Variants in CPNE4 observed in about 807,000 individuals in gnomAD.
CPNE4 encodes the protein copine 4.
In CPNE4, 25 loss-of-function variants were observed where a neutral mutation model predicts 67.9. The observed-to-expected ratio is 0.37, with a 90% CI of 0.27 to 0.51. CPNE4 has a LOEUF of 0.51. Among genes scored for constraint, CPNE4 ranks in the 20% least tolerant of loss-of-function variants. The probability of loss-of-function intolerance (pLI) is 0.93; values close to 1 mark genes in which losing one functional copy is unlikely to be tolerated. For missense variants in CPNE4, 464 were observed against 690.8 expected (o/e 0.67, Z 3.68); for synonymous variants, 242 against 244.9 (o/e 0.99, Z 0.11).
At chr3:131,694,477 T>C (rs192546659) in intron 5 of CPNE4, among the ~76,000 whole-genome samples, 2 of 152,292 alleles carry the variant, frequency 1.3e-5, no homozygotes, top group East Asian at 3.9e-4. Flanking sequence ...TTCTCCAGTA[T>C]GATTTTGCCA....
chr3:131,660,236 T>C (rs1335610076), intron 7 of CPNE4, among the ~76,000 whole-genome samples: 1 of 152,190 alleles, frequency 6.6e-6, no homozygotes, highest in African/African-American at 2.4e-5. Flanking sequence ...CAGATCTAAT[T>C]TTCACTAATG....
chr3:131,782,962 T>A (rs975090518), intron 2 of CPNE4, among the ~76,000 whole-genome samples: 3 of 151,972 alleles, frequency 2.0e-5, no homozygotes, highest in Non-Finnish European at 4.4e-5. Flanking sequence ...CAGTTATAGT[T>A]GTCAAGGAGA....
At chr3:131,721,375 A>G (rs1583079661) in intron 3 of CPNE4, among the ~76,000 whole-genome samples, 1 of 145,104 alleles carries the variant, frequency 6.9e-6, no homozygotes, top group Non-Finnish European at 1.5e-5. Flanking sequence ...TCTTTAGTCC[A>G]CATGATTCCC....
intron 1 of CPNE4, among the ~76,000 whole-genome samples, chr3:131,998,610 G>T (rs2073354187): frequency 6.6e-6 from 1 of 152,096 alleles, no homozygotes; most frequent in African/African-American, 2.4e-5. Context: ...ATTTTTCAGA[G>T]TTGCATTTTC....
At chr3:131,944,225 T>C (rs1340675154) in intron 1 of CPNE4, among the ~76,000 whole-genome samples, 4 of 86,850 alleles carry the variant, frequency 4.6e-5, no homozygotes, top group Non-Finnish European at 6.3e-5. Context: ...CTCTCTCTCT[T>C]TTTTTTTTTC....
intron 1 of CPNE4, among the ~76,000 whole-genome samples, chr3:131,946,281 C>T (rs1376786644): frequency 2.0e-5 from 3 of 152,052 alleles, no homozygotes; most frequent in African/African-American, 7.2e-5. Flanking sequence ...AATGTTTGTC[C>T]TTTTGTGTCT....
chr3:131,886,795 T>A (rs558074108), intron 2 of CPNE4, among the ~76,000 whole-genome samples: 12 of 152,322 alleles, frequency 7.9e-5, no homozygotes, highest in Admixed American at 3.3e-4. Flanking sequence ...CTGTAGCCCC[T>A]TTGTTTTGGC....
At position 131,809,048 on chromosome 3, in the gene CPNE4, G is replaced by C. The variant is rs150015168; in HGVS notation, c.181-85423C>G. ...TTGTGTAAGTGCGTGCATGTGTGCG[G>C]GTACACCTGTGAATATGTTAGTTAC... On this transcript the variant is annotated intron_variant, in intron 2 of 15. Coordinates refer to ENST00000429747, the MANE Select transcript of CPNE4 (RefSeq NM_130808.3). 2.9e-3 allele frequency among the ~76,000 whole-genome samples: 442 copies of C among 152,200 alleles called. 3 individuals carry two copies. The highest frequency in any genetic ancestry group is 0.01 in the African/African-American group (417 of 41,522).
intron 2 of CPNE4, among the ~76,000 whole-genome samples, chr3:131,904,220 G>A (rs1164124248): frequency 1.3e-5 from 2 of 152,092 alleles, no homozygotes; most frequent in Non-Finnish European, 2.9e-5. Flanking sequence ...ACCTTCCAAA[G>A]CTGGTTAAAA....
intron 2 of CPNE4, among the ~76,000 whole-genome samples, chr3:131,895,239 T>A (rs1027196746): frequency 1.3e-5 from 2 of 151,980 alleles, no homozygotes; most frequent in African/African-American, 4.8e-5. Context: ...GGATGAGATG[T>A]TGGTCAATGG....
At chr3:131,703,356 C>A (rs1462918534) in intron 3 of CPNE4, among the ~76,000 whole-genome samples, 2 of 152,160 alleles carry the variant, frequency 1.3e-5, no homozygotes, top group Non-Finnish European at 2.9e-5. Context: ...GTCACAGGTG[C>A]AAACCTTAGT....
intron 2 of CPNE4, among the ~76,000 whole-genome samples, chr3:131,768,255 G>A (rs1260768048): frequency 2.0e-5 from 3 of 152,090 alleles, no homozygotes; most frequent in Non-Finnish European, 2.9e-5. Context: ...AGCTGTCAGA[G>A]CCCAGGAATT....
intron 1 of CPNE4, 83 bp downstream of exon 1, chr3:132,034,484 G>T: frequency 1.6e-5 from 9 of 570,756 alleles, no homozygotes; most frequent in Non-Finnish European, 2.0e-5. Context: ...CTCAAAAGTT[G>T]GTCTTGCTAC....
intron 2 of CPNE4, among the ~76,000 whole-genome samples, chr3:131,753,447 T>C (rs2082678518): frequency 1.3e-5 from 2 of 152,104 alleles, no homozygotes; most frequent in African/African-American, 4.8e-5. Flanking sequence ...CAATAAAACA[T>C]CTGTGTGACC....
intron 2 of CPNE4, among the ~76,000 whole-genome samples, chr3:131,850,547 T>C (rs1274334701): frequency 6.6e-6 from 1 of 152,136 alleles, no homozygotes; most frequent in African/African-American, 2.4e-5. Flanking sequence ...GTGACTCCAC[T>C]TCTCATCTTA....
chr3:131,643,794 TG>T (rs2079596026), intron 7 of CPNE4, among the ~76,000 whole-genome samples: 1 of 152,174 alleles, frequency 6.6e-6, no homozygotes, highest in South Asian at 2.1e-4. Flanking sequence ...TGAGATCTGA[TG>T]GTTTTATAAG....
chr3:131,810,455 C>T (rs988851893), intron 2 of CPNE4, among the ~76,000 whole-genome samples: 8 of 151,598 alleles, frequency 5.3e-5, no homozygotes, highest in Admixed American at 2.0e-4. Flanking sequence ...ATGAGGGAAA[C>T]GCAAATCAAA....
intron 10 of CPNE4, among the ~76,000 whole-genome samples, chr3:131,565,156 A>G (rs142581325): frequency 0.013 from 1,938 of 152,122 alleles, 49 homozygotes; most frequent in African/African-American, 0.043. Flanking sequence ...GAGAAGAAAC[A>G]CTTCTTCTAA....
intron 1 of CPNE4, among the ~76,000 whole-genome samples, chr3:132,029,221 G>A (rs927118369): frequency 6.6e-6 from 1 of 152,146 alleles, no homozygotes; most frequent in Admixed American, 6.5e-5. Flanking sequence ...GGCCTGTCAC[G>A]AGGAGTTTTG....
Sources: gnomAD v4.1 joint callset for allele counts (sites outside exome capture counted in the v4.1 genomes callset) on GRCh38, gnomAD v4.1.1 for gene constraint, MANE v1.5 for transcripts, NCBI Gene and HGNC (gene_info 2026-07-23, HGNC 2026-07-21) for gene names.